The following KIRREL3 variants were observed in gnomAD, a reference collection of about 807,000 sequenced individuals.
KIRREL3 encodes kin of IRRE-like protein 3.
A neutral mutation model predicts 89.7 loss-of-function variants in KIRREL3; 36 were observed. The ratio of observed to expected loss-of-function variants is 0.40; its 90% CI spans 0.31 to 0.53. KIRREL3 has a LOEUF of 0.53. Ranked by LOEUF, KIRREL3 falls within the 20% of genes least tolerant of loss-of-function variation. The pLI is 0.49. For missense variants in KIRREL3, 864 were observed against 1,056.6 expected (o/e 0.82, Z 2.53); for synonymous variants, 445 against 441.4 (o/e 1.01, Z -0.10).
In KIRREL3 at chr11:126,903,361, G is replaced by A. The variant is rs969714594; in HGVS notation, c.55+97094C>T. 2.6e-5 allele frequency among the ~76,000 whole-genome samples: 4 copies of A among 152,014 alleles called. No homozygotes were observed. Among genetic ancestry groups the A allele is most frequent in the African/African-American group, 9.7e-5 (4 of 41,366 alleles). On this transcript the variant is annotated intron_variant, in intron 1 of 16. Coordinates refer to ENST00000525144, the MANE Select transcript of KIRREL3 (RefSeq NM_032531.4). The surrounding 1 kb of genome is among the most constrained non-coding windows in gnomAD (Gnocchi z 4.5). ...ATCATAGTTGCACAATTATTAAAAA[G>A]AGGCCACTTAAATTCAACTCTCCAT...
rs375836384 is a variant in KIRREL3, at chr11:126,698,733, G to A, written c.56-135821C>T. 1.2e-4 allele frequency among the ~76,000 whole-genome samples: 19 copies of A among 152,348 alleles called. No homozygotes were observed. The East Asian group carries it at 1.7e-3, about 14-fold the overall frequency. On this transcript the variant is annotated intron_variant, in intron 1 of 16. Coordinates refer to ENST00000525144, the MANE Select transcript of KIRREL3 (RefSeq NM_032531.4). ...GCTCAGCTCAGCTGGCCTGAGGAGC[G>A]CTGCCCAGCGCCCAAATCCAGGGCT...
At chr11:126,956,762 G>A (rs1375322723) in intron 1 of KIRREL3, among the ~76,000 whole-genome samples, 1 of 152,088 alleles carries the variant, frequency 6.6e-6, no homozygotes, top group African/African-American at 2.4e-5. Context: ...GGAAATATCC[G>A]AGTGCTTCAG....
intron 1 of KIRREL3, among the ~76,000 whole-genome samples, chr11:126,661,826 T>C (rs148677295): frequency 7.7e-4 from 118 of 152,320 alleles, no homozygotes; most frequent in African/African-American, 2.7e-3. Context: ...GAGATTTTAC[T>C]TGCAAGCAGG....
Position 126,622,369 on chromosome 11 carries a change from G to C in KIRREL3, c.56-59457C>G, listed in dbSNP as rs1445926815. On this transcript the variant is annotated intron_variant, in intron 1 of 16. Coordinates refer to ENST00000525144, the MANE Select transcript of KIRREL3 (RefSeq NM_032531.4). This position sits in a 1 kb window ranked among gnomAD's most constrained non-coding sequence, Gnocchi z 5.2. ...GGATTTGGGGTCATTCTCTTGCCTT[G>C]GAGTCTGGAGGGAGGAGAGGAGTCG... 6.6e-6 allele frequency among the ~76,000 whole-genome samples: 1 copy of C among 152,178 alleles called. No homozygotes were observed. Among genetic ancestry groups the C allele is most frequent in the East Asian group, 1.9e-4 (1 of 5,188 alleles).
rs955914875 is a variant in KIRREL3, at chr11:126,521,249, C to G, written c.433+66G>C. ...CTCCCCATGTCTGACCAAAAAAATA[C>G]CCTCTTGGAGCTGAGCCCTTGGTGC... is the stretch of plus-strand genomic sequence containing the variant. On this transcript the variant is annotated intron_variant, in intron 4 of 16. Transcript: ENST00000525144. This position sits in a 1 kb window ranked among gnomAD's most constrained non-coding sequence, Gnocchi z 4.1. 7.0e-7 allele frequency: 1 copy of G among 1,431,278 alleles called. No individual in the cohort carries two copies. The highest frequency in any genetic ancestry group is 1.4e-5 in the African/African-American group (1 of 69,838). The allele number at this position is 1,431,278 out of a possible 1,614,324, so 88.7% of individuals were successfully genotyped here.
At chr11:126,998,656 T>G (rs536721970) in intron 1 of KIRREL3, among the ~76,000 whole-genome samples, 2 of 152,200 alleles carry the variant, frequency 1.3e-5, no homozygotes, top group East Asian at 3.9e-4. Flanking sequence ...AAGAAAGAAA[T>G]AAGCACAACA....
Position 126,474,509 on chromosome 11 carries a change from C to T in KIRREL3, c.434-1043G>A, listed in dbSNP as rs552966231. On this transcript the variant is annotated intron_variant, in intron 4 of 16. Coordinates refer to ENST00000525144, the MANE Select transcript of KIRREL3 (RefSeq NM_032531.4). The surrounding 1 kb of genome is among the most constrained non-coding windows in gnomAD (Gnocchi z 6.7). ...GCCCTTCACAGTGGAGCCAGCGCTT[C>T]GGAGGGCTGTGTAAGCGCTGGCATC... is the stretch of plus-strand genomic sequence containing the variant. 4.6e-5 allele frequency among the ~76,000 whole-genome samples: 7 copies of T among 152,312 alleles called. No homozygotes were observed. The South Asian group carries it at 6.2e-4, about 14-fold the overall frequency.
intron 1 of KIRREL3, among the ~76,000 whole-genome samples, chr11:126,671,215 A>C (rs879407094): frequency 2.7e-5 from 4 of 150,754 alleles, no homozygotes; most frequent in Non-Finnish European, 4.4e-5. Flanking sequence ...ATGGCCTTAG[A>C]TTGGTGATGA....
chr11:126,514,864 C>A (rs1036137583), intron 4 of KIRREL3, among the ~76,000 whole-genome samples: 2 of 76,342 alleles, frequency 2.6e-5, no homozygotes, highest in Non-Finnish European at 5.4e-5. Flanking sequence ...CAACACAACA[C>A]AACAAAACAC....
chr11:126,700,592 C>A (rs1443476222), intron 1 of KIRREL3, among the ~76,000 whole-genome samples: 1 of 152,236 alleles, frequency 6.6e-6, no homozygotes, highest in Non-Finnish European at 1.5e-5. Context: ...TGAGGCCCCA[C>A]CTTTGGCCGA....
rs1176596581 is a variant in KIRREL3, at chr11:126,807,390, A to G, written c.55+193065T>C. On this transcript the variant is annotated intron_variant, in intron 1 of 16. Transcript: ENST00000525144. This position sits in a 1 kb window ranked among gnomAD's most constrained non-coding sequence, Gnocchi z 4.3. The stretch of plus-strand genomic sequence containing the variant: ...CCTGGGGAATGAAACTCTGCCATGT[A>G]CACATGTTCTAACCTGTATTTTGGC... Among the ~76,000 whole-genome samples, 1 of 152,258 alleles carries G rather than the reference A, an allele frequency of 6.6e-6. No individual in the cohort carries two copies. Among genetic ancestry groups the G allele is most frequent in the African/African-American group, 2.4e-5 (1 of 41,480 alleles).
Position 126,568,999 on chromosome 11 carries a change from T to C in KIRREL3, c.56-6087A>G, listed in dbSNP as rs762935678. ...GTCAGGAAGACCAGCCAGGTGGCTG[T>C]CATGGGAGAGGCCAAGGAACCAGAG... On this transcript the variant is annotated intron_variant, in intron 1 of 16. Coordinates refer to ENST00000525144, the MANE Select transcript of KIRREL3 (RefSeq NM_032531.4). This position sits in a 1 kb window ranked among gnomAD's most constrained non-coding sequence, Gnocchi z 4.6. Among the ~76,000 whole-genome samples the C allele has an allele frequency of 6.6e-6, 1 of 151,930 alleles. No homozygotes were observed. Among genetic ancestry groups the C allele is most frequent in the Non-Finnish European group, 1.5e-5 (1 of 68,012 alleles).
At chr11:126,500,750 A>AG (rs1957829895) in intron 4 of KIRREL3, among the ~76,000 whole-genome samples, 1 of 151,764 alleles carries the variant, frequency 6.6e-6, no homozygotes, top group Non-Finnish European at 1.5e-5. Flanking sequence ...AAAAAAAAAA[A>AG]AAAAGAAAAA....
chr11:126,841,328 C>T (rs1010764395), intron 1 of KIRREL3, among the ~76,000 whole-genome samples: 3 of 152,172 alleles, frequency 2.0e-5, no homozygotes, highest in Non-Finnish European at 4.4e-5. Flanking sequence ...GCTCCCTAGG[C>T]AGAGCGAGGC....
chr11:126,531,381 G>A lies in KIRREL3; in HGVS notation c.134-4694C>T, dbSNP rs887948503. ...TCTTTTAAGGGGTGGGACCTCTCAT[G>A]GCTCTCCACTCTCTGCGGGACAACG... On this transcript the variant is annotated intron_variant, in intron 2 of 16. Transcript: ENST00000525144. The surrounding 1 kb of genome is among the most constrained non-coding windows in gnomAD (Gnocchi z 4.7). 6.6e-6 allele frequency among the ~76,000 whole-genome samples: 1 copy of A among 152,216 alleles called. No individual in the cohort carries two copies. Among genetic ancestry groups the A allele is most frequent in the African/African-American group, 2.4e-5 (1 of 41,458 alleles).
At chr11:126,591,604 G>C (rs1359857331) in intron 1 of KIRREL3, among the ~76,000 whole-genome samples, 1 of 152,180 alleles carries the variant, frequency 6.6e-6, no homozygotes, top group African/African-American at 2.4e-5. Flanking sequence ...GTCAGCTCTG[G>C]GGGCCCCATC....
At chr11:126,599,337 C>G (rs1264685233) in intron 1 of KIRREL3, among the ~76,000 whole-genome samples, 1 of 152,194 alleles carries the variant, frequency 6.6e-6, no homozygotes, top group Non-Finnish European at 1.5e-5. Flanking sequence ...CCCTAATGGA[C>G]TCTCTCTGAG....
At chr11:126,929,142 G>C (rs573469288) in intron 1 of KIRREL3, among the ~76,000 whole-genome samples, 1 of 152,314 alleles carries the variant, frequency 6.6e-6, no homozygotes, top group East Asian at 1.9e-4. Context: ...CGTGGTCAGA[G>C]GGAGGAGAAA....
At chr11:126,923,214 T>C (rs1438779311) in intron 1 of KIRREL3, among the ~76,000 whole-genome samples, 3 of 19,294 alleles carry the variant, frequency 1.6e-4, no homozygotes, top group Non-Finnish European at 3.0e-4. Flanking sequence ...CTTCTTCTTC[T>C]TCTTCTTCTT....
Sources: allele counts gnomAD v4.1 joint callset (sites outside exome capture counted in the v4.1 genomes callset), GRCh38; gene constraint gnomAD v4.1.1; non-coding constraint Gnocchi (gnomAD v3.1); transcripts MANE v1.5; gene names NCBI Gene and HGNC (gene_info 2026-07-23, HGNC 2026-07-21).